Variants in SIRT4 observed in about 807,000 individuals in gnomAD.
SIRT4 encodes the protein NAD-dependent protein lipoamidase sirtuin-4, mitochondrial.
In SIRT4, 23 loss-of-function variants were observed where a neutral mutation model predicts 26.1. The ratio of observed to expected loss-of-function variants is 0.88; its 90% CI spans 0.63 to 1.25. The LOEUF (loss-of-function observed/expected upper bound fraction) is 1.25. Among genes scored for constraint, SIRT4 ranks in the 50% most tolerant of loss-of-function variants. The pLI is 0.00. For missense variants in SIRT4, 361 were observed against 405.4 expected (o/e 0.89, Z 0.94); for synonymous variants, 155 against 158.4 (o/e 0.98, Z 0.16).
chr12:120,306,879 C>A (rs1363215170), intron 2 of SIRT4, among the ~76,000 whole-genome samples: 1 of 152,144 alleles, frequency 6.6e-6, no homozygotes, highest in East Asian at 1.9e-4. Context: ...AGCTGAACAC[C>A]AATAGCATGT....
In SIRT4 at chr12:120,303,807, T is replaced by G. The variant is rs1452258787; in HGVS notation, c.246T>G (p.Tyr82Ter). ...PDYRSEKVGL[Y>*]ARTDRRPIQH... is the part of the protein sequence containing the mutation. Reference sequence around the variant, plus strand: ...ACAGGTCAGAAAAAGTGGGGCTTTATGCCCGCACTGACCGCAGGCCCATCC... The same window carrying G: ...ACAGGTCAGAAAAAGTGGGGCTTTAGGCCCGCACTGACCGCAGGCCCATCC... The change falls in exon 2 of 4, where the codon TAT becomes TAG. Residue 82 changes from tyrosine to a stop codon, truncating the protein, a stop_gained. Coordinates refer to ENST00000202967, the MANE Select transcript of SIRT4 (RefSeq NM_012240.3). LOFTEE classifies it high-confidence loss of function. 2 of 1,614,166 alleles carry G rather than the reference T, an allele frequency of 1.2e-6. No homozygotes were observed. Among genetic ancestry groups the G allele is most frequent in the African/African-American group, 2.7e-5 (2 of 75,038 alleles).
the SIRT4 span, among the ~76,000 whole-genome samples, chr12:120,296,761 C>T: frequency 1.8e-4 from 27 of 151,666 alleles, no homozygotes; most frequent in African/African-American, 6.5e-4. Context: ...CCGCCCGCCT[C>T]GGCCTCCCCA....
chr12:120,310,804 C>T (rs1872930087), intron 2 of SIRT4, among the ~76,000 whole-genome samples: 1 of 150,798 alleles, frequency 6.6e-6, no homozygotes, highest in African/African-American at 2.4e-5. Flanking sequence ...GGTGCTATCT[C>T]GGCTCACTGC....
At chr12:120,295,234 G>T in the SIRT4 span, among the ~76,000 whole-genome samples, 7 of 123,098 alleles carry the variant, frequency 5.7e-5, no homozygotes, top group Non-Finnish European at 1.0e-4. Context: ...TTTTTTTTGA[G>T]ACTGAGTTTC....
chr12:120,296,061 T>C, the SIRT4 span, among the ~76,000 whole-genome samples: 1 of 104,820 alleles, frequency 9.5e-6, no homozygotes, highest in Non-Finnish European at 1.7e-5. Flanking sequence ...TAATCCAGCC[T>C]GGGTGACAAA....
At chr12:120,300,035 A>G (rs1872487776), upstream of SIRT4, among the ~76,000 whole-genome samples, 1 of 152,190 alleles carries the variant, frequency 6.6e-6, no homozygotes, top group Non-Finnish European at 1.5e-5. Flanking sequence ...CTGTAATCCC[A>G]GCACTTTGGG....
At chr12:120,295,356 A>G in the SIRT4 span, among the ~76,000 whole-genome samples, 1 of 148,492 alleles carries the variant, frequency 6.7e-6, no homozygotes, top group Non-Finnish European at 1.5e-5. Flanking sequence ...CTGGGATGAC[A>G]GGTATGCGCC....
chr12:120,298,191 C>A, upstream of SIRT4, among the ~76,000 whole-genome samples: 1 of 98,132 alleles, frequency 1.0e-5, no homozygotes, highest in African/African-American at 4.1e-5. Flanking sequence ...AGTGAAACTC[C>A]ATCTCAAAAA....
chr12:120,296,113 A>AAG, the SIRT4 span, among the ~76,000 whole-genome samples: 5 of 149,962 alleles, frequency 3.3e-5, no homozygotes, highest in East Asian at 7.9e-4. Flanking sequence ...AAAAAAAAAA[A>AAG]GAAAGTAACA....
the SIRT4 span, among the ~76,000 whole-genome samples, chr12:120,295,806 C>A: frequency 6.6e-6 from 1 of 151,566 alleles, no homozygotes; most frequent in Admixed American, 6.6e-5. Context: ...GCGTGTAATC[C>A]CAACGCTTTG....
At chr12:120,292,751 T>C in the SIRT4 span, among the ~76,000 whole-genome samples, 1 of 146,416 alleles carries the variant, frequency 6.8e-6, no homozygotes, top group African/African-American at 2.6e-5. Flanking sequence ...CGGCAAAGTT[T>C]GCAGCGAGCC....
At chr12:120,293,391 C>T in the SIRT4 span, among the ~76,000 whole-genome samples, 3 of 152,164 alleles carry the variant, frequency 2.0e-5, no homozygotes, top group Admixed American at 6.6e-5. Flanking sequence ...GTGGTTTCTG[C>T]ATATCGTTGC....
At chr12:120,295,064 C>G in the SIRT4 span, among the ~76,000 whole-genome samples, 2 of 151,976 alleles carry the variant, frequency 1.3e-5, no homozygotes, top group Non-Finnish European at 1.5e-5. Context: ...CTCCTGACCT[C>G]AAGTGATCCT....
At chr12:120,296,650 G>C in the SIRT4 span, among the ~76,000 whole-genome samples, 1 of 151,422 alleles carries the variant, frequency 6.6e-6, no homozygotes, top group Non-Finnish European at 1.5e-5. Context: ...TGGGACTACA[G>C]GCACACACCA....
At chr12:120,297,522 A>G (rs367688318), upstream of SIRT4, among the ~76,000 whole-genome samples, 326 of 151,706 alleles carry the variant, frequency 2.1e-3, 2 homozygotes, top group Non-Finnish European at 3.4e-3. Context: ...GAAACAAAGC[A>G]TACAAAAATT....
intron 2 of SIRT4, among the ~76,000 whole-genome samples, chr12:120,311,589 G>C (rs2136843140): frequency 6.6e-6 from 1 of 150,976 alleles, no homozygotes; most frequent in Non-Finnish European, 1.5e-5. Context: ...AAAAAAATTA[G>C]TCGGGTGTGG....
chr12:120,291,865 T>A, the SIRT4 span: 9 of 152,168 alleles, frequency 5.9e-5, no homozygotes, highest in African/African-American at 1.9e-4. Flanking sequence ...GCGCCTCGGA[T>A]AAACCTCATT....
At position 120,303,728 on chromosome 12, in the gene SIRT4, G is replaced by C. The variant is rs779080507; in HGVS notation, c.167G>C (p.Arg56Thr). ...ELQRFITLSK[R>T]LLVMTGAGIS... ...CAGCGCTTCATCACCCTTTCCAAGA[G>C]ACTCCTTGTGATGACTGGGGCAGGA... Residue 56 changes from arginine (R) to threonine (T), a missense_variant, in exon 2 of 4, where the codon AGA (arginine) becomes ACA (threonine). Arg to Thr is a moderately conservative substitution (Grantham distance 71). Coordinates refer to ENST00000202967, the MANE Select transcript of SIRT4 (RefSeq NM_012240.3). The C allele has an allele frequency of 7.4e-6, 12 of 1,614,020 alleles. No individual in the cohort carries two copies. In the Admixed American group the frequency reaches 2.0e-4, roughly 27 times the overall value.
chr12:120,307,647 TC>T (rs1185703881), intron 2 of SIRT4, among the ~76,000 whole-genome samples: 1 of 151,954 alleles, frequency 6.6e-6, no homozygotes, highest in Non-Finnish European at 1.5e-5. Flanking sequence ...TCACCTGAGG[TC>T]AGGAGTTCAA....
Sources: gnomAD v4.1 joint callset for allele counts (sites outside exome capture counted in the v4.1 genomes callset) on GRCh38, gnomAD v4.1.1 for gene constraint, MANE v1.5 for transcripts, NCBI Gene and HGNC (gene_info 2026-07-23, HGNC 2026-07-21) for gene names.